PRDM5: variants seen among roughly 807,000 people sequenced by gnomAD.
PRDM5 encodes the protein PR domain zinc finger protein 5.
PRDM5 carries 56 observed loss-of-function variants against 81.2 expected under a neutral mutation model. That is an observed-to-expected ratio of 0.69 (90% CI 0.56 to 0.86). PRDM5 has a LOEUF of 0.86. Among genes scored for constraint, PRDM5 ranks in the 40% least tolerant of loss-of-function variants. The pLI, the probability that PRDM5 is intolerant of heterozygous loss-of-function variation, is 0.00. For missense variants in PRDM5, 697 were observed against 770.1 expected, an observed-to-expected ratio of 0.91 and a Z score of 1.12; for synonymous variants, 267 against 256.4, an observed-to-expected ratio of 1.04 and a Z score of -0.39.
At chr4:120,823,476 G>A (rs1051414330) in intron 3 of PRDM5, among the ~76,000 whole-genome samples, 5 of 152,140 alleles carry the variant, frequency 3.3e-5, no homozygotes, top group African/African-American at 4.8e-5. Context: ...TTATTTAATG[G>A]GAATGTCTGG....
intron 2 of PRDM5, among the ~76,000 whole-genome samples, chr4:120,869,224 G>T (rs190714167): frequency 6.6e-6 from 1 of 152,040 alleles, no homozygotes; most frequent in East Asian, 1.9e-4. Flanking sequence ...ATAGGGCAAG[G>T]AAATTATAGA....
Position 120,902,763 on chromosome 4 carries a change from T to C in PRDM5, c.177+4711A>G, listed in dbSNP as rs1765360562. The stretch of plus-strand genomic sequence containing the variant: ...TTCAGAGACCAAGCTCAAAACCTGA[T>C]GGCCAATACAGAAAGTAACTGAGGT... On this transcript the variant is annotated intron_variant, in intron 2 of 15. Transcript: ENST00000264808. Among the ~76,000 whole-genome samples, 4 of 152,198 alleles carry C rather than the reference T, an allele frequency of 2.6e-5. No homozygotes were observed. In the South Asian group the frequency reaches 8.3e-4, roughly 32 times the overall value.
At chr4:120,699,847 C>A (rs1211349193) in intron 15 of PRDM5, among the ~76,000 whole-genome samples, 3 of 152,044 alleles carry the variant, frequency 2.0e-5, no homozygotes, top group African/African-American at 7.2e-5. Flanking sequence ...CTGCTCAAAG[C>A]AATCTACAGA....
At chr4:120,875,600 G>C (rs922407343) in intron 2 of PRDM5, among the ~76,000 whole-genome samples, 1 of 152,136 alleles carries the variant, frequency 6.6e-6, no homozygotes, top group East Asian at 1.9e-4. Context: ...TGGCCATAGA[G>C]AAAAAACAAG....
intron 10 of PRDM5, among the ~76,000 whole-genome samples, chr4:120,794,009 G>C (rs141198894): frequency 1.3e-5 from 2 of 152,240 alleles, no homozygotes; most frequent in Admixed American, 6.5e-5. Flanking sequence ...TTAAGAGAAA[G>C]AACAATTAAA....
At chr4:120,886,885 A>G (rs903449697) in intron 2 of PRDM5, among the ~76,000 whole-genome samples, 1 of 151,720 alleles carries the variant, frequency 6.6e-6, no homozygotes, top group Non-Finnish European at 1.5e-5. Flanking sequence ...CAGACATGTC[A>G]TCACCTTCCA....
At chr4:120,802,863 C>T (rs1294520470) in intron 8 of PRDM5, among the ~76,000 whole-genome samples, 1 of 152,202 alleles carries the variant, frequency 6.6e-6, no homozygotes, top group Non-Finnish European at 1.5e-5. Flanking sequence ...TGGAGAATGA[C>T]TTTGACGAGT....
At chr4:120,721,121 C>T (rs1297540689) in intron 14 of PRDM5, among the ~76,000 whole-genome samples, 1 of 152,192 alleles carries the variant, frequency 6.6e-6, no homozygotes, top group Non-Finnish European at 1.5e-5. Flanking sequence ...GCTTATCTGG[C>T]ATAAAGCATG....
intron 1 of PRDM5, among the ~76,000 whole-genome samples, chr4:120,920,291 G>C (rs1022382522): frequency 1.2e-4 from 19 of 152,204 alleles, no homozygotes; most frequent in African/African-American, 4.3e-4. Flanking sequence ...TGTTATAAAA[G>C]TGTGGCAAAA....
At chr4:120,703,694 T>C (rs1486339253) in intron 15 of PRDM5, among the ~76,000 whole-genome samples, 1 of 152,134 alleles carries the variant, frequency 6.6e-6, no homozygotes, top group African/African-American at 2.4e-5. Context: ...TAAGTAGATA[T>C]TAGTATTACT....
At chr4:120,897,588 A>G (rs768002050) in intron 2 of PRDM5, among the ~76,000 whole-genome samples, 30 of 152,210 alleles carry the variant, frequency 2.0e-4, no homozygotes, top group Non-Finnish European at 3.5e-4. Context: ...CTAAGCTAAA[A>G]GGTCCTAACA....
At chr4:120,855,871 C>T (rs1055232030) in intron 2 of PRDM5, among the ~76,000 whole-genome samples, 14 of 152,188 alleles carry the variant, frequency 9.2e-5, no homozygotes, top group Non-Finnish European at 1.8e-4. Flanking sequence ...TTTGAGAGGA[C>T]AGCACTACTT....
chr4:120,734,441 CA>C (rs1244716913), intron 14 of PRDM5, among the ~76,000 whole-genome samples: 4 of 152,016 alleles, frequency 2.6e-5, no homozygotes, highest in African/African-American at 9.7e-5. Flanking sequence ...CACACACACA[CA>C]CACACCCTTA....
intron 14 of PRDM5, among the ~76,000 whole-genome samples, chr4:120,742,105 A>G (rs768339572): frequency 7.2e-5 from 11 of 152,232 alleles, no homozygotes; most frequent in Non-Finnish European, 1.2e-4. Context: ...TGCCTCCTCA[A>G]GTGGGTCCCT....
intron 4 of PRDM5, among the ~76,000 whole-genome samples, chr4:120,819,711 A>C (rs930434306): frequency 2.0e-5 from 3 of 152,176 alleles, no homozygotes; most frequent in African/African-American, 4.8e-5. Flanking sequence ...AATTAAAATA[A>C]TGGATAAAAT....
At position 120,710,361 on chromosome 4, in the gene PRDM5, C is replaced by A. The variant is rs750972426; in HGVS notation, c.1676G>T (p.Gly559Val). The change falls in exon 15 of 16, where the codon GGC (glycine) becomes GTC (valine). Residue 559 changes from glycine to valine, a missense_variant. Coordinates refer to ENST00000264808, the MANE Select transcript of PRDM5 (RefSeq NM_018699.4). ...GTGCGTCCTCTTGTGCTCATCCAGGCCTCGCTTCTGGCTGAAGGCCTTGCT... is the reference window on the plus strand; with the variant it reads ...GTGCGTCCTCTTGTGCTCATCCAGGACTCGCTTCTGGCTGAAGGCCTTGCT... ...ECSKAFSQKRGLDEHKRTHTG... is the reference protein window; with the variant it reads ...ECSKAFSQKRVLDEHKRTHTG... 1.9e-6 allele frequency: 3 copies of A among 1,614,116 alleles called. No individual in the cohort carries two copies. The South Asian group carries it at 3.3e-5, about 18-fold the overall frequency.
intron 8 of PRDM5, among the ~76,000 whole-genome samples, chr4:120,805,218 C>A (rs573964721): frequency 6.6e-6 from 1 of 152,048 alleles, no homozygotes; most frequent in African/African-American, 2.4e-5. Flanking sequence ...AATAGCCTAC[C>A]AACCAAAAAA....
At chr4:120,908,259 A>G (rs1766065554) in intron 1 of PRDM5, among the ~76,000 whole-genome samples, 1 of 152,230 alleles carries the variant, frequency 6.6e-6, no homozygotes, top group Admixed American at 6.5e-5. Context: ...TTTTCTCTCT[A>G]AAGTGACCAA....
chr4:120,869,909 C>G (rs1761595102), intron 2 of PRDM5, among the ~76,000 whole-genome samples: 1 of 151,800 alleles, frequency 6.6e-6, no homozygotes, highest in South Asian at 2.1e-4. Context: ...GCATGAACTA[C>G]AGAATTTTTA....
Sources: gnomAD v4.1 joint callset for allele counts (sites outside exome capture counted in the v4.1 genomes callset) on GRCh38, gnomAD v4.1.1 for gene constraint, MANE v1.5 for transcripts, NCBI Gene and HGNC (gene_info 2026-07-23, HGNC 2026-07-21) for gene names.